Variants in SPATA16 observed in about 807,000 individuals in gnomAD.
SPATA16 encodes spermatogenesis-associated protein 16.
A neutral mutation model predicts 63.3 loss-of-function variants in SPATA16; 36 were observed. The ratio of observed to expected loss-of-function variants is 0.57; its 90% CI spans 0.44 to 0.75. SPATA16 has a LOEUF of 0.75. SPATA16 is among the 30% of genes least tolerant of loss of function. The pLI, the probability that SPATA16 is intolerant of heterozygous loss-of-function variation, is 0.00. For missense variants in SPATA16, 646 were observed against 679.3 expected (o/e 0.95, Z 0.54); for synonymous variants, 203 against 216.7 (o/e 0.94, Z 0.56).
intron 10 of SPATA16, among the ~76,000 whole-genome samples, chr3:172,902,892 A>G (rs1291326803): frequency 6.6e-6 from 1 of 152,216 alleles, no homozygotes; most frequent in Non-Finnish European, 1.5e-5. Flanking sequence ...AGAAGGATAA[A>G]TGATCCATGT....
intron 2 of SPATA16, among the ~76,000 whole-genome samples, chr3:173,062,897 A>T (rs1395813260): frequency 1.3e-5 from 2 of 152,310 alleles, no homozygotes; most frequent in Non-Finnish European, 2.9e-5. Context: ...ACAGTTCACA[A>T]TAGGGTTTGT....
intron 3 of SPATA16, among the ~76,000 whole-genome samples, chr3:173,041,956 TA>T (rs924487858): frequency 7.4e-4 from 113 of 151,878 alleles, no homozygotes; most frequent in African/African-American, 2.6e-3. Flanking sequence ...AGTATAAAAA[TA>T]AAAAAAAGAA....
At chr3:172,901,516 C>T (rs1732126405) in intron 10 of SPATA16, among the ~76,000 whole-genome samples, 2 of 152,170 alleles carry the variant, frequency 1.3e-5, no homozygotes, top group African/African-American at 2.4e-5. Flanking sequence ...GTCAATAATT[C>T]TAATATATCT....
chr3:172,992,769 G>C (rs112608378), intron 4 of SPATA16, among the ~76,000 whole-genome samples: 5 of 152,054 alleles, frequency 3.3e-5, no homozygotes, highest in Non-Finnish European at 1.5e-5. Context: ...ATCCATTTTC[G>C]CTCTTCCTGA....
intron 2 of SPATA16, among the ~76,000 whole-genome samples, chr3:173,082,094 C>G (rs1159749754): frequency 1.3e-5 from 2 of 152,064 alleles, no homozygotes; most frequent in Non-Finnish European, 1.5e-5. Context: ...TCTATGACTC[C>G]CTCCTATAAG....
intron 5 of SPATA16, among the ~76,000 whole-genome samples, chr3:172,975,249 A>C (rs1186466687): frequency 2.0e-5 from 3 of 152,172 alleles, no homozygotes; most frequent in Non-Finnish European, 4.4e-5. Flanking sequence ...TGGTCAGACA[A>C]AATTTTTATT....
At chr3:173,055,599 G>A (rs761908516) in intron 2 of SPATA16, among the ~76,000 whole-genome samples, 1 of 152,212 alleles carries the variant, frequency 6.6e-6, no homozygotes, top group Non-Finnish European at 1.5e-5. Flanking sequence ...AGGAGCTAGG[G>A]ACTGCATAGG....
At position 172,916,315 on chromosome 3, in the gene SPATA16, ACC is replaced by A; in HGVS notation, c.1503_1503+1del. The stretch of plus-strand genomic sequence containing the variant: ...AACCCTTAAACAAAGAAAAATACTT[ACC>A]AATTCTGCCTCCTGTTGACTGATGT... On this transcript the variant is annotated splice_donor_variant and coding_sequence_variant, in exon 9 of 11. Coordinates refer to ENST00000351008, the MANE Select transcript of SPATA16 (RefSeq NM_031955.6). LOFTEE classifies it high-confidence loss of function. The A allele has an allele frequency of 6.2e-7, 1 of 1,612,918 alleles. No individual in the cohort carries two copies. The highest frequency in any genetic ancestry group is 8.5e-7 in the Non-Finnish European group (1 of 1,179,400).
chr3:172,906,549 C>T (rs1219234661), intron 10 of SPATA16, among the ~76,000 whole-genome samples: 2 of 140,152 alleles, frequency 1.4e-5, no homozygotes, highest in Non-Finnish European at 3.1e-5. Context: ...CTTAATTCCC[C>T]ACTCGGCCTC....
chr3:173,095,857 T>A (rs1737338155), intron 2 of SPATA16, among the ~76,000 whole-genome samples: 1 of 152,186 alleles, frequency 6.6e-6, no homozygotes, highest in Non-Finnish European at 1.5e-5. Flanking sequence ...GAAACCTACA[T>A]TATCTAGCTA....
At chr3:172,903,648 G>C (rs953775572) in intron 10 of SPATA16, among the ~76,000 whole-genome samples, 3 of 152,216 alleles carry the variant, frequency 2.0e-5, no homozygotes, top group African/African-American at 7.2e-5. Context: ...GAAATGTCTA[G>C]ATTTCTAAGC....
chr3:173,092,382 C>T (rs1334243652), intron 2 of SPATA16, among the ~76,000 whole-genome samples: 2 of 152,316 alleles, frequency 1.3e-5, no homozygotes, highest in East Asian at 3.9e-4. Context: ...CTATATCCTA[C>T]TCCCTGGAAC....
chr3:173,082,869 T>C (rs1736958781), intron 2 of SPATA16, among the ~76,000 whole-genome samples: 1 of 152,178 alleles, frequency 6.6e-6, no homozygotes, highest in Admixed American at 6.5e-5. Flanking sequence ...ATCCAAGTTT[T>C]TTTTTCTACT....
In SPATA16 at chr3:172,889,690, A is replaced by G. The variant is rs1731855207; in HGVS notation, c.1590T>C (p.Val530=). Residue 530 remains valine, a splice_region_variant and synonymous_variant, in exon 11 of 11, where the codon GTT becomes GTC. Coordinates refer to ENST00000351008, the MANE Select transcript of SPATA16 (RefSeq NM_031955.6). ...GGTATAGAAAATCTTCAATTTGTCC[A>G]ACCTAGAAGAAATAAACAGATGCAA... ...NERVWNMIQK[V]GQIEDFLYQL... is the part of the protein sequence containing the mutation. The G allele has an allele frequency of 6.2e-7, 1 of 1,612,956 alleles. No individual in the cohort carries two copies. Among genetic ancestry groups the G allele is most frequent in the East Asian group, 2.2e-5 (1 of 44,874 alleles).
intron 5 of SPATA16, among the ~76,000 whole-genome samples, chr3:172,959,906 GA>G (rs1323676628): frequency 1.3e-5 from 2 of 149,266 alleles, no homozygotes; most frequent in Non-Finnish European, 3.0e-5. Context: ...AAAATAGTAG[GA>G]TTTTTTTTGA....
chr3:173,111,191 G>T (rs1047444333), intron 2 of SPATA16, among the ~76,000 whole-genome samples: 4 of 152,082 alleles, frequency 2.6e-5, no homozygotes, highest in Non-Finnish European at 5.9e-5. Flanking sequence ...CTTAGAGAGG[G>T]TTATTGCAAT....
intron 2 of SPATA16, among the ~76,000 whole-genome samples, chr3:173,066,006 C>A (rs994264095): frequency 1.3e-5 from 2 of 152,098 alleles, no homozygotes; most frequent in African/African-American, 4.8e-5. Flanking sequence ...GAGACACTGG[C>A]CATGGTAGTC....
At chr3:173,042,643 G>A (rs1416952956) in intron 3 of SPATA16, among the ~76,000 whole-genome samples, 2 of 152,146 alleles carry the variant, frequency 1.3e-5, no homozygotes, top group African/African-American at 2.4e-5. Context: ...GATATTCAGG[G>A]ATGCTTTTGA....
At chr3:172,964,799 C>T (rs1733875078) in intron 5 of SPATA16, among the ~76,000 whole-genome samples, 1 of 152,156 alleles carries the variant, frequency 6.6e-6, no homozygotes, top group Admixed American at 6.5e-5. Context: ...CGTTCTCAAA[C>T]TTGTACTGCT....
Sources: gnomAD v4.1 joint callset for allele counts (sites outside exome capture counted in the v4.1 genomes callset) on GRCh38, gnomAD v4.1.1 for gene constraint, MANE v1.5 for transcripts, NCBI Gene and HGNC (gene_info 2026-07-23, HGNC 2026-07-21) for gene names.